The following SVEP1 variants were observed in gnomAD, a reference collection of about 807,000 sequenced individuals.
SVEP1 encodes the protein sushi, von Willebrand factor type A, EGF and pentraxin domain containing 1, also known as sushi, von Willebrand factor type A, EGF and pentraxin domain-containing protein 1.
SVEP1 carries 164 observed loss-of-function variants against 367.3 expected under a neutral mutation model. The ratio of observed to expected loss-of-function variants is 0.45; its 90% CI spans 0.39 to 0.51. The LOEUF is 0.51. SVEP1 is among the 20% of genes least tolerant of loss of function. SVEP1 has a pLI of 0.00. For synonymous variants in SVEP1, 1,666 were observed against 1,611.6 expected (o/e 1.03, Z -0.81); for missense variants, 4,117 against 4,425.3 (o/e 0.93, Z 1.98).
intron 1 of SVEP1, among the ~76,000 whole-genome samples, chr9:110,555,306 C>CAATG (rs1273368452): frequency 4.6e-5 from 7 of 151,800 alleles, no homozygotes; most frequent in Middle Eastern, 3.4e-3. Flanking sequence ...ACTATTTCTT[C>CAATG]AATGAATGAA....
chr9:110,377,467 C>G (rs1827366228), intron 44 of SVEP1, 101 bp from the exon 45 acceptor site: 6 of 1,084,992 alleles, frequency 5.5e-6, no homozygotes, highest in Non-Finnish European at 6.6e-6. Context: ...TTCCTTGAGT[C>G]AAGCTTTCAG....
intron 39 of SVEP1, among the ~76,000 whole-genome samples, chr9:110,401,241 A>G (rs974383711): frequency 2.0e-5 from 3 of 152,234 alleles, no homozygotes; most frequent in African/African-American, 7.2e-5. Context: ...TTAAGCCCAT[A>G]AAACAGGCAT....
chr9:110,442,116 C>T (rs888194272), intron 27 of SVEP1, among the ~76,000 whole-genome samples: 2 of 152,220 alleles, frequency 1.3e-5, no homozygotes, highest in East Asian at 1.9e-4. Context: ...CCACAAGCCT[C>T]GATGGACTCC....
intron 6 of SVEP1, among the ~76,000 whole-genome samples, chr9:110,500,870 C>T (rs2118749846): frequency 6.6e-6 from 1 of 152,000 alleles, no homozygotes; most frequent in East Asian, 1.9e-4. Context: ...CCTTTTCAAA[C>T]TGATTTTAGT....
At chr9:110,404,135 G>A (rs1588036283) in intron 39 of SVEP1, among the ~76,000 whole-genome samples, 192 bp downstream of exon 39, 1 of 152,020 alleles carries the variant, frequency 6.6e-6, no homozygotes, top group East Asian at 1.9e-4. Flanking sequence ...CACTTTCTTA[G>A]TTTAAAGTGG....
chr9:110,488,297 GGATTCCAGAAAAGA>G (rs1829316366), intron 9 of SVEP1, among the ~76,000 whole-genome samples: 1 of 152,102 alleles, frequency 6.6e-6, no homozygotes, highest in African/African-American at 2.4e-5. Context: ...AGTCCAGTTT[GGATTCCAGAAAAGA>G]GATTCGAACT....
chr9:110,384,083 G>A (rs140888344), intron 43 of SVEP1, among the ~76,000 whole-genome samples: 3 of 152,292 alleles, frequency 2.0e-5, no homozygotes, highest in Admixed American at 6.5e-5. Flanking sequence ...CGATAACTCA[G>A]TAGTCTTAGG....
At chr9:110,469,165 T>C in intron 16 of SVEP1, 64 bp from the exon 17 acceptor site, 1 of 1,483,542 alleles carries the variant, frequency 6.7e-7, no homozygotes, top group Non-Finnish European at 9.0e-7. Context: ...TGGGCTTTTT[T>C]TTCCTAAGAC....
intron 32 of SVEP1, among the ~76,000 whole-genome samples, 156 bp downstream of exon 32, chr9:110,431,759 C>T (rs564438565): frequency 6.6e-6 from 1 of 152,298 alleles, no homozygotes; most frequent in Admixed American, 6.5e-5. Flanking sequence ...TTAGTTGTTA[C>T]TGATGTGTCT....
Position 110,445,927 on chromosome 9 carries a change from T to C in SVEP1, c.4373A>G (p.Lys1458Arg), listed in dbSNP as rs903438853. Residue 1458 changes from lysine (K) to arginine (R), a missense_variant, in exon 26 of 48, where the codon AAA becomes AGA. By Grantham distance (26) the Lys-to-Arg change is conservative (BLOSUM62 2). This residue lies in a region of SVEP1 where 2,174 missense variants were observed against 2,494.3 expected (regional missense o/e 0.87). Transcript: ENST00000374469. ...TCCATAGTTCATGTCGTCAGAGGAT[T>C]TCATCCAGAAGGTACAGGTTAGAGC... ...LHALTCTFWMKSSDDMNYGTP... is the reference protein window; with the variant it reads ...LHALTCTFWMRSSDDMNYGTP... 6.2e-7 allele frequency: 1 copy of C among 1,613,834 alleles called. No individual in the cohort carries two copies. Among genetic ancestry groups the C allele is most frequent in the Non-Finnish European group, 8.5e-7 (1 of 1,179,860 alleles).
intron 13 of SVEP1, among the ~76,000 whole-genome samples, chr9:110,477,863 T>G (rs565636702): frequency 2.0e-5 from 3 of 152,286 alleles, no homozygotes; most frequent in Admixed American, 2.0e-4. Flanking sequence ...TACTCTCTCC[T>G]ACCCTCTCCT....
Position 110,408,168 on chromosome 9 carries a change from T to C in SVEP1, c.7432A>G (p.Thr2478Ala). The C allele has an allele frequency of 6.2e-7, 1 of 1,613,874 alleles. No homozygotes were observed. Among genetic ancestry groups the C allele is most frequent in the Non-Finnish European group, 8.5e-7 (1 of 1,179,862 alleles). The change falls in exon 38 of 48, where the codon ACC becomes GCC. Residue 2478 changes from threonine (T) to alanine (A), a missense_variant. Transcript: ENST00000374469. ...PGFELVGNTT[T>A]LCGENGHWLG... ...CAGTGACCATTTTCTCCACAAAGGG[T>C]GGTAGTATTTCCCACCAATTCAAAG...
At chr9:110,483,033 T>A (rs1015618168) in intron 10 of SVEP1, among the ~76,000 whole-genome samples, 5 of 152,214 alleles carry the variant, frequency 3.3e-5, no homozygotes, top group African/African-American at 1.2e-4. Context: ...TCCTTTGAGA[T>A]GTCCTACAAA....
chr9:110,439,557 C>T (rs1380610041), intron 27 of SVEP1, among the ~76,000 whole-genome samples: 1 of 150,378 alleles, frequency 6.6e-6, no homozygotes, highest in African/African-American at 2.5e-5. Context: ...CCACGCCCGG[C>T]TAATTTTTTT....
At chr9:110,509,802 A>G (rs1829680629) in intron 5 of SVEP1, among the ~76,000 whole-genome samples, 1 of 152,346 alleles carries the variant, frequency 6.6e-6, no homozygotes, top group South Asian at 2.1e-4. Flanking sequence ...CATTCACCAG[A>G]GATATCATCA....
At chr9:110,497,288 A>G (rs1180182086) in intron 7 of SVEP1, among the ~76,000 whole-genome samples, 1 of 152,014 alleles carries the variant, frequency 6.6e-6, no homozygotes, top group Admixed American at 6.6e-5. Context: ...CTTTACCTGG[A>G]TGTCTAGTAC....
Position 110,513,093 on chromosome 9 carries a change from G to A in SVEP1, c.1136C>T (p.Pro379Leu), listed in dbSNP as rs761068906. 1.9e-6 allele frequency: 3 copies of A among 1,611,844 alleles called. No homozygotes were observed. The Admixed American group carries it at 5.0e-5, about 27-fold the overall frequency. ...SGQTCELVHC[P>L]ALKPPENGYF... ...ACCATTTTCGGGAGGCTTCAGGGCAGGGCAGTGGACAACTAACATTTACAA... is the reference window on the plus strand; with the variant it reads ...ACCATTTTCGGGAGGCTTCAGGGCAAGGCAGTGGACAACTAACATTTACAA... The change falls in exon 5 of 48, where the codon CCT becomes CTT. Residue 379 changes from proline (P) to leucine (L), a missense_variant. Physicochemically the swap from Pro to Leu is moderately conservative, Grantham distance 98. Around this residue, in one of 4 missense-constraint regions of SVEP1, gnomAD observed 2,174 missense variants for 2,494.3 expected, o/e 0.87. Transcript: ENST00000374469.
At chr9:110,524,717 C>CTTTT (rs1254334424) in intron 3 of SVEP1, among the ~76,000 whole-genome samples, 1 of 143,872 alleles carries the variant, frequency 7.0e-6, no homozygotes, top group South Asian at 2.2e-4. Flanking sequence ...ATTATTATTA[C>CTTTT]TTTTTTTTTT....
chr9:110,409,364 G>A (rs1010112173), intron 37 of SVEP1, among the ~76,000 whole-genome samples: 1 of 152,184 alleles, frequency 6.6e-6, no homozygotes, highest in South Asian at 2.1e-4. Flanking sequence ...AGAGGTTGCA[G>A]TGAGCTGAGA....
Sources: gnomAD v4.1 joint callset for allele counts (sites outside exome capture counted in the v4.1 genomes callset) on GRCh38, gnomAD v4.1.1 for gene constraint, gnomAD v4.1.1 regional missense constraint, MANE v1.5 for transcripts, NCBI Gene and HGNC (gene_info 2026-07-23, HGNC 2026-07-21) for gene names.